The following CYGB variants were observed in gnomAD, a reference collection of about 807,000 sequenced individuals.
CYGB encodes the protein histoglobin.
Under a neutral mutation model 20.7 loss-of-function variants are expected in CYGB, and 13 were observed. The ratio of observed to expected loss-of-function variants is 0.63; its 90% confidence interval spans 0.41 to 1.00. The LOEUF (loss-of-function observed/expected upper bound fraction) is 1.00, where lower values mean the gene tolerates loss of function less well. Ranked by LOEUF, CYGB falls within the 50% of genes least tolerant of loss-of-function variation. The probability of loss-of-function intolerance (pLI) is 0.00; values close to 1 mark genes in which losing one functional copy is unlikely to be tolerated. For synonymous variants in CYGB, 93 were observed against 107.4 expected, an observed-to-expected ratio of 0.87 and a Z score of 0.83; for missense variants, 218 against 257.2, an observed-to-expected ratio of 0.85 and a Z score of 1.04.
rs149071721 is a variant in CYGB at position 76,535,751 on chromosome 17, C to G, written c.143+1649G>C. On this transcript the variant is annotated intron_variant, in intron 1 of 3. Transcript: ENST00000293230. ...AGACATGGCCCTGGCCTCGGTGTTT[C>G]GTTTCTCCCTTGGCATCTGCCCTAC... Among the ~76,000 whole-genome samples, 344 of 152,306 alleles carry G rather than the reference C, an allele frequency of 2.3e-3. 2 individuals are homozygous for G. Among genetic ancestry groups the G allele is most frequent in the Middle Eastern group, 0.017 (5 of 292 alleles).
chr17:76,531,303 C>T lies in CYGB; in HGVS notation c.375+157G>A, dbSNP rs2074838219. On this transcript the variant is annotated intron_variant, in intron 2 of 3. Coordinates refer to ENST00000293230, the MANE Select transcript of CYGB (RefSeq NM_134268.5). The surrounding 1 kb of genome is among the most constrained non-coding windows in gnomAD (Gnocchi z 7.4). Reference sequence around the variant, plus strand: ...TCTCAGGACAAGGGTTGCCCTGGACCCAGCCCCTCCATCCTGCTGCCGGGC... The same window carrying T: ...TCTCAGGACAAGGGTTGCCCTGGACTCAGCCCCTCCATCCTGCTGCCGGGC... 6.6e-6 allele frequency among the ~76,000 whole-genome samples: 1 copy of T among 152,254 alleles called. No homozygotes were observed. Among genetic ancestry groups the T allele is most frequent in the Non-Finnish European group, 1.5e-5 (1 of 68,040 alleles).
upstream of CYGB, chr17:76,538,411 G>A (rs1270044862): frequency 2.1e-5 from 9 of 426,042 alleles, no homozygotes; most frequent in Middle Eastern, 4.5e-4. Context: ...AGAGGCCTGC[G>A]CCCCCTCTCC....
upstream of CYGB, chr17:76,540,472 A>G (rs778591141): frequency 1.9e-6 from 3 of 1,610,326 alleles, no homozygotes; most frequent in South Asian, 1.1e-5. This position sits in a 1 kb window ranked among gnomAD's most constrained non-coding sequence, Gnocchi z 5.0. Context: ...GGGCACAGCC[A>G]TAGCTCTTCC....
upstream of CYGB, among the ~76,000 whole-genome samples, chr17:76,542,109 C>T (rs2074998576): frequency 6.6e-6 from 1 of 152,180 alleles, no homozygotes; most frequent in Non-Finnish European, 1.5e-5. Flanking sequence ...AGGTGGCTTG[C>T]TCCAGATCAT....
At chr17:76,534,128 T>TTCTC (rs1436503180) in intron 1 of CYGB, among the ~76,000 whole-genome samples, 1 of 133,302 alleles carries the variant, frequency 7.5e-6, no homozygotes, top group African/African-American at 2.6e-5. Context: ...CTTTCTTTCT[T>TTCTC]TCTCTCTCTC....
At chr17:76,550,613 T>C (rs1598220818) in intron 1 of CYGB, 1 of 152,388 alleles carries the variant, frequency 6.6e-6, no homozygotes, top group African/African-American at 2.4e-5. Context: ...ACTGGGATTG[T>C]GGTTACATGG....
chr17:76,541,784 G>A (rs191355182), upstream of CYGB, among the ~76,000 whole-genome samples: 71 of 152,282 alleles, frequency 4.7e-4, 1 homozygote, highest in South Asian at 8.3e-3. Context: ...GTCTAGAGTT[G>A]GGCAGGGAGA....
chr17:76,547,738 CAT>C (rs1168455819), intron 1 of CYGB, among the ~76,000 whole-genome samples: 7 of 150,744 alleles, frequency 4.6e-5, no homozygotes, highest in East Asian at 1.9e-4. Context: ...CACACACACA[CAT>C]ACACAAACAC....
At chr17:76,536,278 G>A (rs1028008044) in intron 1 of CYGB, among the ~76,000 whole-genome samples, 2 of 152,130 alleles carry the variant, frequency 1.3e-5, no homozygotes, top group Admixed American at 6.5e-5. Context: ...GAGCTGGGTC[G>A]GTCCCAGGCT....
Position 76,533,496 on chromosome 17 carries a change from G to A in CYGB, c.144-1805C>T, listed in dbSNP as rs983306895. 2.6e-5 allele frequency among the ~76,000 whole-genome samples: 4 copies of A among 152,322 alleles called. No homozygotes were observed. The highest frequency in any genetic ancestry group is 2.1e-4 in the South Asian group (1 of 4,828). On this transcript the variant is annotated intron_variant, in intron 1 of 3. Transcript: ENST00000293230. The surrounding 1 kb of genome is among the most constrained non-coding windows in gnomAD (Gnocchi z 4.5). ...TCCTAGCACTTTACGAGGCCGAGGC[G>A]GGTGGATTGCTTGAGCTCAGGCATT...
chr17:76,541,890 G>C (rs1455477619), upstream of CYGB, among the ~76,000 whole-genome samples: 1 of 152,208 alleles, frequency 6.6e-6, no homozygotes, highest in African/African-American at 2.4e-5. Flanking sequence ...AATAACAGTG[G>C]TTGTGAGGTT....
Position 76,528,932 on chromosome 17 carries a change from T to C in CYGB, c.540-321A>G, listed in dbSNP as rs1162436882. 8.8e-7 allele frequency: 1 copy of C among 1,136,934 alleles called. No individual in the cohort carries two copies. Among genetic ancestry groups the C allele is most frequent in the African/African-American group, 1.6e-5 (1 of 62,278 alleles). The allele number at this position is 1,136,934 out of a possible 1,614,324, so 70.4% of individuals were successfully genotyped here. A position where few individuals can be genotyped will look rare whatever the true frequency, so the allele number is the denominator to read the frequency against. On this transcript the variant is annotated intron_variant, in intron 3 of 3. Transcript: ENST00000293230. This position sits in a 1 kb window ranked among gnomAD's most constrained non-coding sequence, Gnocchi z 5.8. Reference sequence around the variant, plus strand: ...GCACGATACCAATGTGAGCTCTTTTTCCATTAATTCTGAAACGTGGCGCAT... The same window carrying C: ...GCACGATACCAATGTGAGCTCTTTTCCCATTAATTCTGAAACGTGGCGCAT...
chr17:76,528,527 C>A lies in CYGB; in HGVS notation c.*51G>T, dbSNP rs1362182112. On this transcript the variant is annotated 3_prime_UTR_variant, in exon 4 of 4. Transcript: ENST00000293230. The surrounding 1 kb of genome is among the most constrained non-coding windows in gnomAD (Gnocchi z 5.8). ...GGAGCGTCAAGGAGGGTCTTCAGAA[C>A]TCGGCCTTCTGCTCGAGGTGCTGCC... 2 of 1,273,612 alleles carry A rather than the reference C, an allele frequency of 1.6e-6. No homozygotes were observed. The highest frequency in any genetic ancestry group is 2.0e-6 in the Non-Finnish European group (2 of 995,752). 78.9% of individuals were successfully genotyped at this position (1,273,612 alleles called of 1,614,324 possible). A position where few individuals can be genotyped will look rare whatever the true frequency, so the allele number is the denominator to read the frequency against.
chr17:76,531,584 C>T lies in CYGB; in HGVS notation c.251G>A (p.Arg84Gln), dbSNP rs757964200. 2.2e-5 allele frequency: 35 copies of T among 1,613,976 alleles called. No homozygotes were observed. The highest frequency in any genetic ancestry group is 2.5e-5 in the Non-Finnish European group (30 of 1,179,836). ...GACAGTGTTGAGGGCCCCCATGACTCGGCAGGCGTGCTTCCGCAGCTGGGG... is the reference window on the plus strand; with the variant it reads ...GACAGTGTTGAGGGCCCCCATGACTTGGCAGGCGTGCTTCCGCAGCTGGGG... Reference protein sequence around the residue: ...RSPQLRKHACRVMGALNTVVE... With the variant: ...RSPQLRKHACQVMGALNTVVE... The change falls in exon 2 of 4, where the codon CGA (arginine) becomes CAA (glutamine). Residue 84 changes from arginine to glutamine, a missense_variant. Coordinates refer to ENST00000293230, the MANE Select transcript of CYGB (RefSeq NM_134268.5). This position sits in a 1 kb window ranked among gnomAD's most constrained non-coding sequence, Gnocchi z 7.4.
At chr17:76,540,250 T>TGGGGGGG, upstream of CYGB, 1 of 463,674 alleles carries the variant, frequency 2.2e-6, no homozygotes. This position sits in a 1 kb window ranked among gnomAD's most constrained non-coding sequence, Gnocchi z 5.0. Context: ...TGGCGGTTGG[T>TGGGGGGG]CGGGGGGGGG....
Position 76,537,633 on chromosome 17 carries a change from C to G in CYGB, c.-91G>C, listed in dbSNP as rs2074935096. ...GCGGGGCGCCGGGAGCCGGGGCCGG[C>G]TGCGTGCGCGGCGGGCGGGCGAGGG... On this transcript the variant is annotated 5_prime_UTR_variant, in exon 1 of 4. Coordinates refer to ENST00000293230, the MANE Select transcript of CYGB (RefSeq NM_134268.5). The G allele has an allele frequency of 2.1e-6, 2 of 972,878 alleles. No homozygotes were observed. Among genetic ancestry groups the G allele is most frequent in the Non-Finnish European group, 1.2e-6 (1 of 821,360 alleles). 60.3% of individuals were successfully genotyped at this position (972,878 alleles called of 1,614,324 possible). A position where few individuals can be genotyped will look rare whatever the true frequency, so the allele number is the denominator to read the frequency against.
chr17:76,528,222 C>T lies in CYGB; in HGVS notation c.*356G>A. On this transcript the variant is annotated 3_prime_UTR_variant, in exon 4 of 4. Coordinates refer to ENST00000293230, the MANE Select transcript of CYGB (RefSeq NM_134268.5). This position sits in a 1 kb window ranked among gnomAD's most constrained non-coding sequence, Gnocchi z 5.8. ...GATACTCTAGATGGTGATGTGGAGA[C>T]CTGCATGCTGGCCGGGCTGATAGAA... The T allele has an allele frequency of 2.5e-6, 1 of 398,236 alleles. No individual in the cohort carries two copies. The highest frequency in any genetic ancestry group is 4.4e-6 in the Non-Finnish European group (1 of 226,444). The allele number at this position is 398,236 out of a possible 1,614,324, so 24.7% of individuals were successfully genotyped here.
intron 1 of CYGB, 99 bp downstream of exon 1, chr17:76,537,301 G>A: frequency 1.5e-6 from 2 of 1,320,444 alleles, no homozygotes; most frequent in Non-Finnish European, 2.0e-6. Flanking sequence ...CGCGGCTGGG[G>A]AGGTGGCGCT....
intron 1 of CYGB, among the ~76,000 whole-genome samples, chr17:76,532,419 G>A (rs985022156): frequency 4.6e-5 from 7 of 152,134 alleles, no homozygotes; most frequent in African/African-American, 1.7e-4. Context: ...GCACTACTCA[G>A]GTGACCTTCC....
Sources: allele counts gnomAD v4.1 joint callset (sites outside exome capture counted in the v4.1 genomes callset), GRCh38; gene constraint gnomAD v4.1.1; non-coding constraint Gnocchi (gnomAD v3.1); transcripts MANE v1.5; gene names NCBI Gene and HGNC (gene_info 2026-07-23, HGNC 2026-07-21).